The following KPNA6 variants were observed in gnomAD, a reference collection of about 807,000 sequenced individuals.
KPNA6 encodes importin subunit alpha-7.
Under a neutral mutation model 72.0 loss-of-function variants are expected in KPNA6, and 9 were observed. The ratio of observed to expected loss-of-function variants is 0.13; its 90% CI spans 0.08 to 0.22. The LOEUF is 0.22. Ranked by LOEUF, KPNA6 falls within the 10% of genes least tolerant of loss-of-function variation. The pLI, the probability that KPNA6 is intolerant of heterozygous loss-of-function variation, is 1.00. For missense variants in KPNA6, 374 were observed against 655.7 expected, an observed-to-expected ratio of 0.57 and a Z score of 4.69; for synonymous variants, 219 against 242.1, an observed-to-expected ratio of 0.90 and a Z score of 0.89.
chr1:32,167,372 A>G (rs941175491), intron 12 of KPNA6, 76 bp downstream of exon 12: 35 of 1,555,632 alleles, frequency 2.2e-5, no homozygotes, highest in Non-Finnish European at 2.7e-5. Flanking sequence ...CAGGTGACCT[A>G]TAAACTGCTC....
chr1:32,126,670 T>C (rs1327376791), intron 1 of KPNA6, among the ~76,000 whole-genome samples: 1 of 151,956 alleles, frequency 6.6e-6, no homozygotes, highest in African/African-American at 2.4e-5. Flanking sequence ...CAGGTGTGAG[T>C]CACTGCATCT....
At chr1:32,109,964 T>G (rs1273598593) in intron 1 of KPNA6, among the ~76,000 whole-genome samples, 1 of 151,800 alleles carries the variant, frequency 6.6e-6, no homozygotes, top group Non-Finnish European at 1.5e-5. Context: ...CACTTTGAAA[T>G]CCTTTTTCTG....
chr1:32,150,961 G>A (rs563406891), intron 1 of KPNA6, among the ~76,000 whole-genome samples: 2 of 151,822 alleles, frequency 1.3e-5, no homozygotes, highest in African/African-American at 4.8e-5. Context: ...TCACTCTGTT[G>A]CCCAGGCTGG....
intron 12 of KPNA6, among the ~76,000 whole-genome samples, chr1:32,169,113 TC>T (rs1380592735): frequency 6.7e-6 from 1 of 148,272 alleles, no homozygotes; most frequent in African/African-American, 2.5e-5. Flanking sequence ...ACACCTGTAA[TC>T]CCAGCACTTT....
Position 32,136,181 on chromosome 1 carries a change from C to CTTT in KPNA6, c.5-18397_5-18395dup, listed in dbSNP as rs759447035. 4.2e-4 allele frequency among the ~76,000 whole-genome samples: 59 copies of CTTT among 139,314 alleles called. 2 individuals carry two copies. The South Asian group carries it at 6.0e-3, about 14-fold the overall frequency. 91.4% of individuals were successfully genotyped at this position (139,314 alleles called of 152,430 possible). ...TAAAATCCACATTTCTAGCTTCTCT[C>CTTT]TTTTTTTTTTTTGAGATGGAGTTTC... On this transcript the variant is annotated intron_variant, in intron 1 of 13. Transcript: ENST00000373625.
intron 7 of KPNA6, 82 bp downstream of exon 7, chr1:32,160,785 C>T (rs1642223936): frequency 3.2e-6 from 3 of 942,146 alleles, no homozygotes; most frequent in Non-Finnish European, 5.2e-6. Context: ...TACTTGATTC[C>T]TTAAGATGAT....
At chr1:32,142,954 G>C in intron 1 of KPNA6, 1 of 1,289,598 alleles carries the variant, frequency 7.8e-7, no homozygotes, top group South Asian at 1.2e-5. Flanking sequence ...CAGCTTCACT[G>C]TCAGCTGTGC....
chr1:32,167,037 A>C, intron 11 of KPNA6, 132 bp from the exon 12 acceptor site: 3 of 1,144,498 alleles, frequency 2.6e-6, no homozygotes, highest in Non-Finnish European at 3.7e-6. Context: ...CCTGTCACCT[A>C]TATAGGAAGA....
chr1:32,138,958 G>A (rs1469515126), intron 1 of KPNA6, among the ~76,000 whole-genome samples: 4 of 152,012 alleles, frequency 2.6e-5, no homozygotes, highest in Admixed American at 2.0e-4. Context: ...GTGGTTTCTG[G>A]GTTTTTAGTA....
intron 1 of KPNA6, among the ~76,000 whole-genome samples, chr1:32,123,010 G>A (rs200726439): frequency 6.6e-6 from 1 of 151,456 alleles, no homozygotes; most frequent in East Asian, 1.9e-4. Context: ...GCAGTTTGAT[G>A]AGGCTCTTAT....
intron 1 of KPNA6, among the ~76,000 whole-genome samples, chr1:32,136,474 C>G (rs1249458194): frequency 6.6e-6 from 1 of 152,202 alleles, no homozygotes; most frequent in East Asian, 1.9e-4. Context: ...CCTTTAGCTT[C>G]TCTTGAAAAT....
chr1:32,110,943 T>G (rs1374009515), intron 1 of KPNA6, among the ~76,000 whole-genome samples: 1 of 152,174 alleles, frequency 6.6e-6, no homozygotes, highest in Non-Finnish European at 1.5e-5. Context: ...CCTAAAGGGC[T>G]CCATGAATAT....
chr1:32,151,302 A>G (rs1001011654), intron 1 of KPNA6, among the ~76,000 whole-genome samples: 10 of 152,072 alleles, frequency 6.6e-5, no homozygotes, highest in Admixed American at 2.0e-4. Flanking sequence ...GGTCTCTACT[A>G]TGCCCTAAGT....
intron 1 of KPNA6, among the ~76,000 whole-genome samples, chr1:32,134,027 G>T (rs1273655577): frequency 2.0e-5 from 3 of 152,106 alleles, no homozygotes; most frequent in Admixed American, 6.6e-5. Context: ...TGGATCACCT[G>T]AGGTCAGTAG....
chr1:32,154,747 C>T, intron 2 of KPNA6, 26 bp downstream of exon 2: 1 of 1,612,330 alleles, frequency 6.2e-7, no homozygotes, highest in Non-Finnish European at 8.5e-7. Context: ...TATTCTCAAA[C>T]ATACTATTCT....
chr1:32,121,515 A>G (rs1641432590), intron 1 of KPNA6, among the ~76,000 whole-genome samples: 1 of 152,216 alleles, frequency 6.6e-6, no homozygotes, highest in Admixed American at 6.5e-5. Context: ...ATTTATCTCT[A>G]TACATGGCAA....
chr1:32,130,767 A>G (rs1483369985), intron 1 of KPNA6, among the ~76,000 whole-genome samples: 1 of 147,610 alleles, frequency 6.8e-6, no homozygotes, highest in African/African-American at 2.5e-5. Context: ...TATCTCAAAG[A>G]AAAAAAAAAA....
At chr1:32,122,487 G>A (rs2124527439) in intron 1 of KPNA6, among the ~76,000 whole-genome samples, 1 of 152,120 alleles carries the variant, frequency 6.6e-6, no homozygotes, top group African/African-American at 2.4e-5. Context: ...AGTAAGCTAA[G>A]AAATGAGAGA....
At chr1:32,141,022 G>T (rs1343624438) in intron 1 of KPNA6, among the ~76,000 whole-genome samples, 3 of 152,118 alleles carry the variant, frequency 2.0e-5, no homozygotes, top group African/African-American at 7.2e-5. Context: ...CCAGCATCAT[G>T]GCTGGCTTTA....
Sources: gnomAD v4.1 joint callset for allele counts (sites outside exome capture counted in the v4.1 genomes callset) on GRCh38, gnomAD v4.1.1 for gene constraint, MANE v1.5 for transcripts, NCBI Gene and HGNC (gene_info 2026-07-23, HGNC 2026-07-21) for gene names.